Variants in TRAF3 observed in about 807,000 individuals in gnomAD.
The protein encoded by TRAF3 is TNF receptor-associated factor 3.
In TRAF3, 13 loss-of-function variants were observed where a neutral mutation model predicts 62.3. That is an observed-to-expected ratio of 0.21 (90% CI 0.14 to 0.33). The LOEUF is 0.33. Ranked by LOEUF, TRAF3 falls within the 10% of genes least tolerant of loss-of-function variation. The pLI, the probability that TRAF3 is intolerant of heterozygous loss-of-function variation, is 1.00. For missense variants in TRAF3, 440 were observed against 741.8 expected (o/e 0.59, Z 4.73); for synonymous variants, 269 against 283.4 (o/e 0.95, Z 0.51).
At chr14:102,806,725 T>G (rs994873109) in intron 1 of TRAF3, among the ~76,000 whole-genome samples, 1 of 152,054 alleles carries the variant, frequency 6.6e-6, no homozygotes, top group African/African-American at 2.4e-5. Flanking sequence ...TCCAGAAGAA[T>G]AGAGGGGGCC....
At chr14:102,831,729 T>A (rs919248063) in intron 2 of TRAF3, among the ~76,000 whole-genome samples, 7 of 152,158 alleles carry the variant, frequency 4.6e-5, no homozygotes, top group African/African-American at 1.4e-4. Flanking sequence ...AACCCTCAGT[T>A]CTTAGAGGGT....
chr14:102,875,769 A>G (rs1407278114), intron 5 of TRAF3, 41 bp downstream of exon 5: 3 of 1,534,530 alleles, frequency 2.0e-6, no homozygotes, highest in Non-Finnish European at 2.7e-6. Context: ...ACATGAAGGA[A>G]TTCGAGTCCC....
At chr14:102,805,008 C>T (rs980454897) in intron 1 of TRAF3, among the ~76,000 whole-genome samples, 9 of 152,282 alleles carry the variant, frequency 5.9e-5, no homozygotes, top group Admixed American at 3.9e-4. Flanking sequence ...CTTCCCTGGA[C>T]GTAGAAGAAT....
At chr14:102,873,992 C>A (rs1888494822) in intron 4 of TRAF3, among the ~76,000 whole-genome samples, 1 of 152,044 alleles carries the variant, frequency 6.6e-6, no homozygotes, top group South Asian at 2.1e-4. Flanking sequence ...GGGCATGGTG[C>A]CTTATGCCTG....
chr14:102,791,280 A>G (rs768225080), intron 1 of TRAF3, among the ~76,000 whole-genome samples: 2 of 152,014 alleles, frequency 1.3e-5, no homozygotes, highest in Admixed American at 6.6e-5. Flanking sequence ...CGGCCTCCCA[A>G]AGTGCTGGGA....
chr14:102,778,005 C>T lies in TRAF3; in HGVS notation c.-157+330C>T, dbSNP rs558504696. ...GCGCAGGCCTCGCTACGGCCGTGAC[C>T]CCCGCTGGCGTTGAGGACCCGGCAC... On this transcript the variant is annotated intron_variant, in intron 1 of 11. Coordinates refer to ENST00000392745, the MANE Select transcript of TRAF3 (RefSeq NM_145725.3). 8.0e-3 allele frequency among the ~76,000 whole-genome samples: 1,200 copies of T among 150,610 alleles called. 22 individuals carry two copies. The highest frequency in any genetic ancestry group is 0.027 in the African/African-American group (1,125 of 41,320).
rs79397164 is a variant in TRAF3 at position 102,795,594 on chromosome 14, A to G, written c.-157+17919A>G. ...TACATGATATGTATGCATGATATGT[A>G]TATATGTGTGTGTGTGTGTGTGTGT... On this transcript the variant is annotated intron_variant, in intron 1 of 11. Transcript: ENST00000392745. Among the ~76,000 whole-genome samples, 679 of 126,630 alleles carry G rather than the reference A, an allele frequency of 5.4e-3. 4 individuals are homozygous for G. Among genetic ancestry groups the G allele is most frequent in the African/African-American group, 0.019 (636 of 34,248 alleles). 83.1% of individuals were successfully genotyped at this position (126,630 alleles called of 152,430 possible).
intron 2 of TRAF3, among the ~76,000 whole-genome samples, chr14:102,835,243 C>G (rs769184711): frequency 2.0e-5 from 3 of 152,064 alleles, no homozygotes; most frequent in Non-Finnish European, 2.9e-5. Context: ...ATTAAAAAGT[C>G]AAAAATAAGA....
At chr14:102,810,371 C>T (rs745535382) in intron 1 of TRAF3, among the ~76,000 whole-genome samples, 2 of 152,064 alleles carry the variant, frequency 1.3e-5, no homozygotes, top group Non-Finnish European at 2.9e-5. Context: ...GATCATGGCC[C>T]CTTTTACAAG....
intron 7 of TRAF3, among the ~76,000 whole-genome samples, chr14:102,888,677 A>G (rs746558167): frequency 2.0e-5 from 3 of 152,270 alleles, no homozygotes; most frequent in Non-Finnish European, 2.9e-5. Context: ...ATCTATCCCT[A>G]GAGTTTCCTG....
At chr14:102,824,170 A>G (rs1397507405) in intron 1 of TRAF3, among the ~76,000 whole-genome samples, 1 of 152,122 alleles carries the variant, frequency 6.6e-6, no homozygotes, top group East Asian at 1.9e-4. Context: ...TCAGATTCCC[A>G]TTTATGTTTG....
intron 1 of TRAF3, among the ~76,000 whole-genome samples, chr14:102,799,224 A>G (rs1036355765): frequency 1.3e-5 from 2 of 152,142 alleles, no homozygotes; most frequent in Non-Finnish European, 2.9e-5. Context: ...CATGATGGGT[A>G]CATTTGGGAG....
intron 2 of TRAF3, among the ~76,000 whole-genome samples, chr14:102,856,457 C>T (rs141495016): frequency 3.9e-5 from 6 of 152,174 alleles, no homozygotes; most frequent in African/African-American, 1.4e-4. Flanking sequence ...TTTTAGCATG[C>T]TGATGCATTA....
intron 10 of TRAF3, among the ~76,000 whole-genome samples, chr14:102,902,189 C>A (rs927800926): frequency 6.6e-5 from 10 of 152,258 alleles, no homozygotes; most frequent in Non-Finnish European, 1.5e-4. Flanking sequence ...TACTGGCAGC[C>A]TCGTGTGTTC....
At chr14:102,899,368 A>G (rs1032145465) in intron 10 of TRAF3, among the ~76,000 whole-genome samples, 2 of 152,148 alleles carry the variant, frequency 1.3e-5, no homozygotes, top group African/African-American at 4.8e-5. Context: ...CCTCTTGAGC[A>G]GCAGCCCAGC....
At chr14:102,888,088 C>T (rs1889502274) in intron 7 of TRAF3, among the ~76,000 whole-genome samples, 1 of 152,158 alleles carries the variant, frequency 6.6e-6, no homozygotes, top group Admixed American at 6.5e-5. Context: ...CTGAAAATAA[C>T]ATACATCAAA....
chr14:102,778,358 T>G (rs1897121523), intron 1 of TRAF3, among the ~76,000 whole-genome samples: 2 of 151,964 alleles, frequency 1.3e-5, no homozygotes, highest in Admixed American at 1.3e-4. Context: ...CAGCCCCGTG[T>G]GGGGACTTCG....
chr14:102,800,664 A>G (rs1185218299), intron 1 of TRAF3, among the ~76,000 whole-genome samples: 2 of 145,090 alleles, frequency 1.4e-5, no homozygotes, highest in South Asian at 4.5e-4. Flanking sequence ...TTTACCACAG[A>G]TGGTTAATTA....
At chr14:102,805,242 TGGA>T (rs1898698058) in intron 1 of TRAF3, among the ~76,000 whole-genome samples, 1 of 152,216 alleles carries the variant, frequency 6.6e-6, no homozygotes, top group Admixed American at 6.5e-5. Flanking sequence ...GGAGATTCAC[TGGA>T]TGCTTCTTTT....
Sources: gnomAD v4.1 joint callset for allele counts (sites outside exome capture counted in the v4.1 genomes callset) on GRCh38, gnomAD v4.1.1 for gene constraint, MANE v1.5 for transcripts, NCBI Gene and HGNC (gene_info 2026-07-23, HGNC 2026-07-21) for gene names.